The following SCAF8 variants were observed in gnomAD, a reference collection of about 807,000 sequenced individuals.
SCAF8 encodes SR-related CTD associated factor 8, also known as SR-related and CTD-associated factor 8.
SCAF8 carries 23 observed loss-of-function variants against 140.5 expected under a neutral mutation model. The observed-to-expected ratio is 0.16, with a 90% CI of 0.12 to 0.23. SCAF8 has a LOEUF of 0.23. SCAF8 is among the 10% of genes least tolerant of loss of function. The pLI is 1.00. For missense variants in SCAF8, 1,397 were observed against 1,555.7 expected (o/e 0.90, Z 1.72); for synonymous variants, 575 against 528.9 (o/e 1.09, Z -1.20).
chr6:154,747,317 C>T (rs1415406156), intron 1 of SCAF8, among the ~76,000 whole-genome samples: 1 of 151,978 alleles, frequency 6.6e-6, no homozygotes, highest in African/African-American at 2.4e-5. Context: ...AGTTCCAGAC[C>T]AGCCTTGGCA....
At chr6:154,831,836 A>C in intron 19 of SCAF8, 103 bp from the exon 20 acceptor site, 2 of 883,692 alleles carry the variant, frequency 2.3e-6, no homozygotes, top group Non-Finnish European at 3.4e-6. Flanking sequence ...TGTAGTAGCT[A>C]ATGTACCTTG....
intron 1 of SCAF8, among the ~76,000 whole-genome samples, chr6:154,763,393 T>C (rs972555675): frequency 1.3e-5 from 2 of 152,188 alleles, no homozygotes; most frequent in African/African-American, 4.8e-5. Flanking sequence ...TTAAGAAAGA[T>C]GGACTGGGTT....
chr6:154,753,466 C>CA (rs1171190010), intron 1 of SCAF8, among the ~76,000 whole-genome samples: 1 of 150,550 alleles, frequency 6.6e-6, no homozygotes, highest in African/African-American at 2.4e-5. Context: ...AACTTTGTCT[C>CA]AAAAAAATAA....
At position 154,824,278 on chromosome 6, in the gene SCAF8, A is replaced by T. The variant is rs748597949; in HGVS notation, c.1971A>T (p.Pro657=). 3 of 1,614,102 alleles carry T rather than the reference A, an allele frequency of 1.9e-6. No individual in the cohort carries two copies. Among genetic ancestry groups the T allele is most frequent in the African/African-American group, 1.3e-5 (1 of 75,056 alleles). The change falls in exon 17 of 20, where the codon CCA becomes CCT. Residue 657 remains proline, a synonymous_variant. Transcript: ENST00000367178. ...PAVPTVSLVP[P]AFPVSMPVPP... Reference sequence around the variant, plus strand: ...TGCCTACAGTTAGTTTAGTCCCACCAGCATTTCCTGTGTCGATGCCGGTTC... The same window carrying T: ...TGCCTACAGTTAGTTTAGTCCCACCTGCATTTCCTGTGTCGATGCCGGTTC...
At chr6:154,741,344 T>A (rs189010212) in intron 1 of SCAF8, among the ~76,000 whole-genome samples, 36 of 152,274 alleles carry the variant, frequency 2.4e-4, no homozygotes, top group African/African-American at 7.7e-4. Flanking sequence ...GTTATAGTAA[T>A]TGTGATTAAC....
At chr6:154,756,210 G>A (rs553470461) in intron 1 of SCAF8, among the ~76,000 whole-genome samples, 15 of 152,292 alleles carry the variant, frequency 9.8e-5, no homozygotes, top group African/African-American at 3.1e-4. Flanking sequence ...GGGAGTGTGA[G>A]GAGAGAATAA....
chr6:154,737,082 A>G (rs1160523644), intron 1 of SCAF8, among the ~76,000 whole-genome samples: 1 of 152,254 alleles, frequency 6.6e-6, no homozygotes, highest in East Asian at 1.9e-4. Context: ...GCAAATAAGT[A>G]TATGCTGAGA....
At chr6:154,764,714 T>C (rs1369550261) in intron 1 of SCAF8, among the ~76,000 whole-genome samples, 1 of 152,158 alleles carries the variant, frequency 6.6e-6, no homozygotes, top group Non-Finnish European at 1.5e-5. Flanking sequence ...CTTCGCAGCA[T>C]GTAGCCATGG....
intron 4 of SCAF8, among the ~76,000 whole-genome samples, chr6:154,789,268 T>C (rs1438679692): frequency 1.3e-5 from 2 of 150,264 alleles, no homozygotes; most frequent in African/African-American, 4.9e-5. Flanking sequence ...GCCACCACAC[T>C]CGGCTAATTT....
chr6:154,815,678 TA>T, intron 12 of SCAF8, 37 bp from the exon 13 acceptor site: 1 of 1,164,914 alleles, frequency 8.6e-7, no homozygotes, highest in Non-Finnish European at 1.3e-6. Flanking sequence ...TAACTATGTC[TA>T]AATGATTTAG....
intron 16 of SCAF8, among the ~76,000 whole-genome samples, chr6:154,823,172 T>C (rs992590093): frequency 2.0e-5 from 3 of 152,160 alleles, no homozygotes; most frequent in Non-Finnish European, 2.9e-5. Flanking sequence ...AAGCCAGTCC[T>C]CTCTAAGGAC....
intron 4 of SCAF8, among the ~76,000 whole-genome samples, chr6:154,788,784 A>G (rs1473153300): frequency 6.6e-6 from 1 of 152,216 alleles, no homozygotes. Context: ...ATAGCAAGTA[A>G]AAAAGCTTTG....
chr6:154,743,160 C>T (rs1020620529), intron 1 of SCAF8, among the ~76,000 whole-genome samples: 9 of 152,152 alleles, frequency 5.9e-5, no homozygotes, highest in Non-Finnish European at 7.4e-5. Context: ...CAGCCTGATC[C>T]GTTCTTAGCA....
chr6:154,779,669 A>G (rs547891612), intron 3 of SCAF8, among the ~76,000 whole-genome samples: 15 of 152,282 alleles, frequency 9.9e-5, no homozygotes, highest in African/African-American at 1.4e-4. Context: ...GAAGAAGCCA[A>G]TCAGTGTATG....
At chr6:154,754,480 C>T (rs1233663665) in intron 1 of SCAF8, among the ~76,000 whole-genome samples, 1 of 152,200 alleles carries the variant, frequency 6.6e-6, no homozygotes, top group Non-Finnish European at 1.5e-5. Context: ...CCATAACTCA[C>T]AAGCAGTTTG....
chr6:154,736,773 T>G (rs6911728), intron 1 of SCAF8, among the ~76,000 whole-genome samples: 91,946 of 152,000 alleles, frequency 0.6, 30,529 homozygotes, highest in East Asian at 0.91. Flanking sequence ...GAGGTTTGTC[T>G]TAGTCCCATT....
At chr6:154,807,200 G>A (rs1457988569) in intron 9 of SCAF8, among the ~76,000 whole-genome samples, 1 of 152,174 alleles carries the variant, frequency 6.6e-6, no homozygotes, top group African/African-American at 2.4e-5. Context: ...ATAAACTTGA[G>A]AGAGAGCGAG....
intron 1 of SCAF8, among the ~76,000 whole-genome samples, chr6:154,762,106 G>A (rs1052499477): frequency 6.6e-6 from 1 of 152,144 alleles, no homozygotes; most frequent in Admixed American, 6.5e-5. Flanking sequence ...GAAAATAAAA[G>A]CATTCACTTA....
In SCAF8 at chr6:154,808,120, GTCACCA is replaced by G; in HGVS notation, c.1037_1042del (p.Pro346_Ser347del). ...GAACCTTTGGGTCAGAGCATTCAGCGTCACCATCACAAGGGAGTAGTCAGCAGCATT... is the reference window on the plus strand; with the variant it reads ...GAACCTTTGGGTCAGAGCATTCAGCGTCACAAGGGAGTAGTCAGCAGCATT... On this transcript the variant is annotated inframe_deletion, in exon 10 of 20. Coordinates refer to ENST00000367178, the MANE Select transcript of SCAF8 (RefSeq NM_014892.5). The G allele has an allele frequency of 6.2e-7, 1 of 1,613,906 alleles. No individual in the cohort carries two copies. The highest frequency in any genetic ancestry group is 8.5e-7 in the Non-Finnish European group (1 of 1,179,798).
Sources: allele counts gnomAD v4.1 joint callset (sites outside exome capture counted in the v4.1 genomes callset), GRCh38; gene constraint gnomAD v4.1.1; transcripts MANE v1.5; gene names NCBI Gene and HGNC (gene_info 2026-07-23, HGNC 2026-07-21).